CNBD1: variants seen among roughly 807,000 people sequenced by gnomAD.
The protein encoded by CNBD1 is cyclic nucleotide binding domain containing 1, also known as cyclic nucleotide-binding domain-containing protein 1.
A neutral mutation model predicts 54.4 loss-of-function variants in CNBD1; 71 were observed. The ratio of observed to expected loss-of-function variants is 1.30; its 90% CI spans 1.08 to 1.59. The LOEUF (loss-of-function observed/expected upper bound fraction) is 1.59, where lower values mean the gene tolerates loss of function less well. Ranked by LOEUF, CNBD1 falls within the 40% of genes most tolerant of loss-of-function variation. The pLI is 0.00. For synonymous variants in CNBD1, 182 were observed against 170.7 expected, an observed-to-expected ratio of 1.07 and a Z score of -0.51; for missense variants, 659 against 518.0, an observed-to-expected ratio of 1.27 and a Z score of -2.64.
rs549721930 is a variant in CNBD1, at chr8:87,116,280, C to A, written c.432-89713C>A. ...ACAAGGGCATAAACATGACTCACTA[C>A]AGCCTCAAGATCCTGGGCTCAAGTG... On this transcript the variant is annotated intron_variant, in intron 4 of 10. Coordinates refer to ENST00000518476, the MANE Select transcript of CNBD1 (RefSeq NM_173538.3). Among the ~76,000 whole-genome samples the A allele has an allele frequency of 3.5e-5, 5 of 141,446 alleles. No individual in the cohort carries two copies. The East Asian group carries it at 9.3e-4, about 26-fold the overall frequency. The allele number at this position is 141,446 out of a possible 152,430, so 92.8% of individuals were successfully genotyped here.
rs535073982 is a variant in CNBD1 at position 87,415,825 on chromosome 8, G to A, written c.214-12721G>A. On this transcript the variant is annotated intron_variant, in intron 2 of 7. Coordinates refer to the CNBD1 transcript ENST00000521593. ...AAACGGGAATAATAAAAAGATGCAA[G>A]TAAGACAAATAGGGAAAATAGAAGT... Among the ~76,000 whole-genome samples, 4 of 151,920 alleles carry A rather than the reference G, an allele frequency of 2.6e-5. No individual in the cohort carries two copies. The South Asian group carries it at 8.3e-4, about 31-fold the overall frequency.
intron 2 of CNBD1, among the ~76,000 whole-genome samples, chr8:87,411,886 T>G (rs1363603290): frequency 1.3e-5 from 2 of 151,950 alleles, no homozygotes; most frequent in Non-Finnish European, 2.9e-5. Context: ...ACCTAAACAA[T>G]ATTATTGTTT....
Position 87,121,961 on chromosome 8 carries a change from C to A in CNBD1, c.432-84032C>A, listed in dbSNP as rs2130716693. 2.0e-5 allele frequency among the ~76,000 whole-genome samples: 3 copies of A among 151,276 alleles called. No individual in the cohort carries two copies. In the South Asian group the frequency reaches 6.2e-4, roughly 31 times the overall value. On this transcript the variant is annotated intron_variant, in intron 4 of 10. Transcript: ENST00000518476. ...ATATATGACAGATACTTTATCCTTT[C>A]ATCTGCTGATGAACACTTAGGTTGT...
chr8:87,126,550 C>A (rs1449333106), intron 4 of CNBD1, among the ~76,000 whole-genome samples: 1 of 151,920 alleles, frequency 6.6e-6, no homozygotes, highest in Non-Finnish European at 1.5e-5. Context: ...GCTATATCTC[C>A]TTTATCAAAT....
intron 4 of CNBD1, among the ~76,000 whole-genome samples, chr8:87,066,687 A>G (rs1810661407): frequency 6.6e-6 from 1 of 151,900 alleles, no homozygotes; most frequent in Non-Finnish European, 1.5e-5. Context: ...CTTGTCTGAT[A>G]TATACTGAGA....
At chr8:86,884,198 G>A (rs917952798) in intron 1 of CNBD1, among the ~76,000 whole-genome samples, 3 of 150,092 alleles carry the variant, frequency 2.0e-5, no homozygotes, top group Non-Finnish European at 4.4e-5. Flanking sequence ...GCCCCTTTCC[G>A]TTTCATGTGT....
rs534237277 is a variant in CNBD1 at position 87,215,601 on chromosome 8, AAAAG to A, written c.577+9465_577+9468del. ...AGACTCCTTCTCAAAAAAAAAAAAA[AAAAG>A]AGTTTCTTTTGGGAATGATAAAAGT... is the stretch of plus-strand genomic sequence containing the variant. On this transcript the variant is annotated intron_variant, in intron 5 of 10. Transcript: ENST00000518476. Among the ~76,000 whole-genome samples the A allele has an allele frequency of 2.6e-5, 4 of 152,178 alleles. No individual in the cohort carries two copies. The South Asian group carries it at 8.3e-4, about 32-fold the overall frequency.
At chr8:87,422,994 C>T (rs949343854) in intron 2 of CNBD1, among the ~76,000 whole-genome samples, 16 of 151,764 alleles carry the variant, frequency 1.1e-4, no homozygotes, top group African/African-American at 3.9e-4. Context: ...CTTCACATCC[C>T]TTGTAAGTTG....
chr8:87,275,659 G>C (rs13181072), intron 6 of CNBD1, among the ~76,000 whole-genome samples: 40,406 of 149,404 alleles, frequency 0.27, 5,320 homozygotes, highest in African/African-American at 0.37. Flanking sequence ...TTGAAAACTG[G>C]CACAAGACAG....
chr8:87,411,302 C>A (rs1404540242), intron 2 of CNBD1, among the ~76,000 whole-genome samples: 3 of 149,570 alleles, frequency 2.0e-5, no homozygotes, highest in Admixed American at 1.3e-4. Flanking sequence ...TTCTTACAAC[C>A]CTATGTTTAA....
chr8:87,240,938 T>G (rs767164767), intron 6 of CNBD1, among the ~76,000 whole-genome samples: 1 of 152,072 alleles, frequency 6.6e-6, no homozygotes, highest in African/African-American at 2.4e-5. Flanking sequence ...GGTTGTTCCC[T>G]TTTCGTACAG....
At chr8:87,342,952 C>A (rs1157414920) in intron 8 of CNBD1, among the ~76,000 whole-genome samples, 1 of 152,116 alleles carries the variant, frequency 6.6e-6, no homozygotes, top group Non-Finnish European at 1.5e-5. Context: ...CCTAGCAAGC[C>A]TGAGGGTACT....
At chr8:87,004,868 A>G (rs1215965988) in intron 4 of CNBD1, among the ~76,000 whole-genome samples, 1 of 152,166 alleles carries the variant, frequency 6.6e-6, no homozygotes, top group Non-Finnish European at 1.5e-5. Context: ...CAAACCATTC[A>G]TTGTTGAACT....
chr8:87,338,050 T>C (rs1017557251), intron 8 of CNBD1, among the ~76,000 whole-genome samples: 1 of 152,192 alleles, frequency 6.6e-6, no homozygotes, highest in African/African-American at 2.4e-5. Flanking sequence ...ACTGAGCATA[T>C]CAGGTGTACT....
chr8:86,998,415 A>T (rs1808925053), intron 4 of CNBD1, among the ~76,000 whole-genome samples: 1 of 152,184 alleles, frequency 6.6e-6, no homozygotes, highest in Non-Finnish European at 1.5e-5. Flanking sequence ...AGCAAAAAGC[A>T]CAAAAAATGC....
chr8:87,079,156 G>T (rs1381594222), intron 4 of CNBD1, among the ~76,000 whole-genome samples: 2 of 151,830 alleles, frequency 1.3e-5, no homozygotes, highest in Non-Finnish European at 2.9e-5. Flanking sequence ...TCAGCATGCA[G>T]ATTTTAATGT....
intron 4 of CNBD1, among the ~76,000 whole-genome samples, chr8:87,171,618 GTTTTTC>G (rs913267429): frequency 6.6e-6 from 1 of 151,160 alleles, no homozygotes; most frequent in African/African-American, 2.4e-5. Context: ...TTTATTTGAA[GTTTTTC>G]TTTTTCTTTT....
At chr8:87,183,953 A>C (rs1306507768) in intron 4 of CNBD1, among the ~76,000 whole-genome samples, 1 of 152,140 alleles carries the variant, frequency 6.6e-6, no homozygotes, top group Non-Finnish European at 1.5e-5. Flanking sequence ...ACACTCCAAT[A>C]AGGGCTGCCA....
At chr8:87,394,923 A>G (rs973407529) in intron 2 of CNBD1, among the ~76,000 whole-genome samples, 2 of 151,910 alleles carry the variant, frequency 1.3e-5, no homozygotes, top group Non-Finnish European at 2.9e-5. Flanking sequence ...ATGAGACATT[A>G]TTACCATTAA....
Sources: allele counts gnomAD v4.1 joint callset (sites outside exome capture counted in the v4.1 genomes callset), GRCh38; gene constraint gnomAD v4.1.1; transcripts MANE v1.5; gene names NCBI Gene and HGNC (gene_info 2026-07-23, HGNC 2026-07-21).